Variants in NCOR2 observed in about 807,000 individuals in gnomAD.
NCOR2 encodes the protein CTG repeat protein 26.
NCOR2 carries 81 observed loss-of-function variants against 262.9 expected under a neutral mutation model. The ratio of observed to expected loss-of-function variants is 0.31; its 90% CI spans 0.26 to 0.37. The LOEUF (loss-of-function observed/expected upper bound fraction) is 0.37. Among genes scored for constraint, NCOR2 ranks in the 10% least tolerant of loss-of-function variants. NCOR2 has a pLI of 1.00. For missense variants in NCOR2, 3,385 were observed against 3,621.4 expected, an observed-to-expected ratio of 0.93 and a Z score of 1.68; for synonymous variants, 1,659 against 1,559.3, an observed-to-expected ratio of 1.06 and a Z score of -1.51.
intron 15 of NCOR2, among the ~76,000 whole-genome samples, chr12:124,399,674 G>A (rs1017815074): frequency 1.3e-5 from 2 of 152,146 alleles, no homozygotes; most frequent in Non-Finnish European, 2.9e-5. Context: ...GGGGGTCTGT[G>A]GGAGATGAAG....
chr12:124,450,670 C>T (rs1226587628), intron 6 of NCOR2, among the ~76,000 whole-genome samples: 1 of 152,172 alleles, frequency 6.6e-6, no homozygotes. Context: ...AAAGAGCGTA[C>T]CAGGAGACGC....
chr12:124,459,462 G>A (rs1183414427), intron 5 of NCOR2, among the ~76,000 whole-genome samples: 2 of 152,050 alleles, frequency 1.3e-5, no homozygotes. Context: ...AGGTGGGCCT[G>A]TGGAGCCCTG....
Position 124,438,000 on chromosome 12 carries a change from T to G in NCOR2, c.816-4A>C. The G allele has an allele frequency of 1.2e-6, 2 of 1,608,576 alleles. No homozygotes were observed. Among genetic ancestry groups the G allele is most frequent in the Non-Finnish European group, 8.5e-7 (1 of 1,177,222 alleles). ...CTTCTTCCGCATCGCCTGGTTTCTG[T>G]GCAGGAGGGAAGCGGCAGACAGGTC... is the stretch of plus-strand genomic sequence containing the variant. On this transcript the variant is annotated splice_polypyrimidine_tract_variant and splice_region_variant and intron_variant, in intron 7 of 46. Transcript: ENST00000405201.
chr12:124,332,561 T>C, intron 42 of NCOR2, 94 bp from the exon 45 acceptor site: 1 of 1,551,576 alleles, frequency 6.4e-7, no homozygotes, highest in Non-Finnish European at 8.8e-7. Context: ...GCCTTAGACA[T>C]TTGGAAGCAA....
chr12:124,396,816 G>A (rs971464731), intron 16 of NCOR2, among the ~76,000 whole-genome samples: 3 of 152,174 alleles, frequency 2.0e-5, no homozygotes, highest in African/African-American at 7.2e-5. Context: ...ACGGGGCCGG[G>A]CCCAGGAGCC....
At chr12:124,418,993 G>A (rs1188287871) in intron 13 of NCOR2, among the ~76,000 whole-genome samples, 1 of 151,934 alleles carries the variant, frequency 6.6e-6, no homozygotes, top group Non-Finnish European at 1.5e-5. Context: ...TGCCTCGACC[G>A]ACTCCAATCC....
chr12:124,490,291 G>C (rs558003837), intron 1 of NCOR2, among the ~76,000 whole-genome samples: 24 of 152,188 alleles, frequency 1.6e-4, no homozygotes, highest in Middle Eastern at 3.4e-3. Context: ...TTCCCAACTC[G>C]CCATTCCCCA....
intron 16 of NCOR2, among the ~76,000 whole-genome samples, chr12:124,390,463 C>T (rs559041649): frequency 1.3e-5 from 2 of 149,914 alleles, no homozygotes; most frequent in African/African-American, 2.5e-5. Flanking sequence ...CTTCCTTGCC[C>T]GCCCCTCCAA....
exon 31 of NCOR2, chr12:124,346,828 C>G: frequency 1.3e-6 from 2 of 1,580,702 alleles, no homozygotes; most frequent in Non-Finnish European, 1.7e-6. Context: ...CCTCCTGTGC[C>G]TCCACGTAGG....
At chr12:124,546,851 C>G (rs2051561063) in intron 1 of NCOR2, among the ~76,000 whole-genome samples, 2 of 152,188 alleles carry the variant, frequency 1.3e-5, no homozygotes, top group Non-Finnish European at 2.9e-5. Context: ...CTGTGAGTGT[C>G]CATCCCGGGA....
chr12:124,343,300 C>A, intron 32 of NCOR2, 74 bp from the exon 35 acceptor site: 1 of 1,276,242 alleles, frequency 7.8e-7, no homozygotes, highest in Non-Finnish European at 1.1e-6. Flanking sequence ...GGATAGGGAC[C>A]TCGGGATCCC....
At chr12:124,333,965 C>T (rs920656682) in intron 41 of NCOR2, among the ~76,000 whole-genome samples, 82 of 145,004 alleles carry the variant, frequency 5.7e-4, no homozygotes, top group African/African-American at 2.0e-3. Context: ...TGTGTGTGTG[C>T]GGGTGCGCAT....
intron 1 of NCOR2, among the ~76,000 whole-genome samples, chr12:124,542,230 CG>C (rs1405933163): frequency 1.3e-5 from 2 of 151,992 alleles, no homozygotes; most frequent in African/African-American, 4.8e-5. Context: ...AGGAACAGGG[CG>C]GGCCATTGCC....
chr12:124,550,811 C>A (rs1009084475), intron 1 of NCOR2, among the ~76,000 whole-genome samples: 3 of 152,228 alleles, frequency 2.0e-5, no homozygotes, highest in Admixed American at 1.3e-4. Flanking sequence ...CCGTGGAGCA[C>A]CCCTGGCATC....
At chr12:124,406,917 G>A (rs2042306204) in intron 13 of NCOR2, among the ~76,000 whole-genome samples, 1 of 152,228 alleles carries the variant, frequency 6.6e-6, no homozygotes, top group African/African-American at 2.4e-5. Context: ...CACATTTGAT[G>A]AGGCCTTCTT....
chr12:124,390,485 C>CT (rs906903661), intron 16 of NCOR2, among the ~76,000 whole-genome samples: 1 of 151,862 alleles, frequency 6.6e-6, no homozygotes, highest in African/African-American at 2.4e-5. Context: ...GTGACCCCCC[C>CT]CCGTCGCCCT....
At chr12:124,506,760 G>C (rs1355992101) in intron 1 of NCOR2, among the ~76,000 whole-genome samples, 1 of 152,230 alleles carries the variant, frequency 6.6e-6, no homozygotes, top group African/African-American at 2.4e-5. Context: ...GAAGTGAGGA[G>C]TCAGAGAGGA....
chr12:124,386,867 G>A (rs910016729), intron 16 of NCOR2, among the ~76,000 whole-genome samples: 6 of 152,226 alleles, frequency 3.9e-5, no homozygotes, highest in Non-Finnish European at 7.3e-5. Context: ...TGTCTCCAGC[G>A]GCGTGACCTT....
intron 16 of NCOR2, among the ~76,000 whole-genome samples, chr12:124,397,298 G>T (rs757538056): frequency 4.6e-5 from 7 of 152,228 alleles, no homozygotes; most frequent in Non-Finnish European, 1.0e-4. Context: ...CTCACACAGG[G>T]TTATCTGATT....
Sources: gnomAD v4.1 joint callset for allele counts (sites outside exome capture counted in the v4.1 genomes callset) on GRCh38, gnomAD v4.1.1 for gene constraint, MANE v1.5 for transcripts, NCBI Gene and HGNC (gene_info 2026-07-23, HGNC 2026-07-21) for gene names.